CNTN6: variants seen among roughly 807,000 people sequenced by gnomAD.
The protein encoded by CNTN6 is contactin-6.
A neutral mutation model predicts 122.8 loss-of-function variants in CNTN6; 137 were observed. That is an observed-to-expected ratio of 1.12 (90% CI 0.97 to 1.29). The LOEUF is 1.29. Ranked by LOEUF, CNTN6 falls within the 50% of genes most tolerant of loss-of-function variation. CNTN6 has a pLI of 0.00. For missense variants in CNTN6, 1,634 were observed against 1,223.4 expected, an observed-to-expected ratio of 1.34 and a Z score of -5.01; for synonymous variants, 570 against 426.0, an observed-to-expected ratio of 1.34 and a Z score of -4.16.
chr3:1,154,744 A>G (rs2092925831), intron 2 of CNTN6, among the ~76,000 whole-genome samples: 1 of 152,118 alleles, frequency 6.6e-6, no homozygotes, highest in Non-Finnish European at 1.5e-5. Context: ...CGCCCGGCCC[A>G]GGATTGATAA....
rs772254266 is a variant in CNTN6 at position 1,295,738 on chromosome 3, A to G, written c.592A>G (p.Ile198Val). 1.1e-5 allele frequency: 17 copies of G among 1,614,082 alleles called. No individual in the cohort carries two copies. The highest frequency in any genetic ancestry group is 1.4e-5 in the Non-Finnish European group (16 of 1,179,934). The change falls in exon 6 of 23, where the codon ATA (isoleucine) becomes GTA (valine). Residue 198 changes from isoleucine to valine, a missense_variant. By Grantham distance (29) the Ile-to-Val change is conservative. Transcript: ENST00000446702. ...PSDVGNYTCFITNKEAQRSVQ... is the reference protein window; with the variant it reads ...PSDVGNYTCFVTNKEAQRSVQ... Reference sequence around the variant, plus strand: ...AGATGTGGGCAACTACACTTGCTTTATAACTAACAAAGAGGCCCAGAGAAG... The same window carrying G: ...AGATGTGGGCAACTACACTTGCTTTGTAACTAACAAAGAGGCCCAGAGAAG...
intron 11 of CNTN6, among the ~76,000 whole-genome samples, chr3:1,341,297 A>G (rs1030002147): frequency 1.3e-5 from 2 of 152,112 alleles, no homozygotes; most frequent in South Asian, 4.1e-4. Flanking sequence ...GCTATAAGGC[A>G]TGTTAGCATA....
intron 1 of CNTN6, among the ~76,000 whole-genome samples, chr3:1,130,179 C>T (rs1425170160): frequency 6.6e-6 from 1 of 151,986 alleles, no homozygotes; most frequent in East Asian, 1.9e-4. Flanking sequence ...TTACACAGGA[C>T]ATTGACTTTA....
At chr3:1,349,667 G>A (rs1028001270) in intron 11 of CNTN6, among the ~76,000 whole-genome samples, 4 of 151,580 alleles carry the variant, frequency 2.6e-5, no homozygotes, top group African/African-American at 9.7e-5. Flanking sequence ...CCTTCTTTTG[G>A]CTTTTTTAAA....
intron 4 of CNTN6, among the ~76,000 whole-genome samples, chr3:1,241,752 C>G (rs1203269075): frequency 1.3e-5 from 2 of 152,306 alleles, no homozygotes; most frequent in African/African-American, 2.4e-5. Context: ...GCAGAGTCCT[C>G]CTTTTTCAGC....
At chr3:1,191,132 A>G (rs1414278315) in intron 2 of CNTN6, among the ~76,000 whole-genome samples, 1 of 152,132 alleles carries the variant, frequency 6.6e-6, no homozygotes, top group Non-Finnish European at 1.5e-5. Flanking sequence ...GATGAGTGCT[A>G]TGAGCATCTT....
chr3:1,207,142 T>A (rs2093968621), intron 2 of CNTN6, among the ~76,000 whole-genome samples: 1 of 152,130 alleles, frequency 6.6e-6, no homozygotes, highest in African/African-American at 2.4e-5. Context: ...AAACTCAACA[T>A]TTATAAAACC....
rs1227069487 is a variant in CNTN6, at chr3:1,385,555, A to C, written c.2518-56A>C. On this transcript the variant is annotated intron_variant, in intron 19 of 22. Transcript: ENST00000446702. ...TGTGGTTGATAGTTGTTGGTAAAAA[A>C]TGATTGATAGTTATTGGGGAACAAT... The C allele has an allele frequency of 3.6e-6, 5 of 1,396,948 alleles. No homozygotes were observed. In the East Asian group the frequency reaches 1.2e-4, roughly 34 times the overall value. The allele number at this position is 1,396,948 out of a possible 1,614,324, so 86.5% of individuals were successfully genotyped here. A position where few individuals can be genotyped will look rare whatever the true frequency, so the allele number is the denominator to read the frequency against.
intron 19 of CNTN6, among the ~76,000 whole-genome samples, chr3:1,384,572 A>T (rs909295582): frequency 6.6e-6 from 1 of 151,684 alleles, no homozygotes; most frequent in Non-Finnish European, 1.5e-5. Flanking sequence ...ATCTTTTTCA[A>T]CTTGCAAATT....
In CNTN6 at chr3:1,139,307, G is replaced by A. The variant is rs75565089; in HGVS notation, c.-82-8620G>A. ...GCATTCTGTTATTGAATTCATTGCT[G>A]AGAATTGAAACTAGCATAAATTCCT... On this transcript the variant is annotated intron_variant, in intron 1 of 22. Transcript: ENST00000446702. 8.4e-3 allele frequency among the ~76,000 whole-genome samples: 1,285 copies of A among 152,146 alleles called. 16 individuals carry two copies. The highest frequency in any genetic ancestry group is 0.029 in the African/African-American group (1,196 of 41,520).
chr3:1,126,941 G>A (rs1374413212), intron 1 of CNTN6, among the ~76,000 whole-genome samples: 2 of 151,626 alleles, frequency 1.3e-5, no homozygotes, highest in East Asian at 3.9e-4. Context: ...GTCATCACCA[G>A]GTCAATGGAA....
chr3:1,100,038 C>T (rs1057455126), intron 1 of CNTN6, among the ~76,000 whole-genome samples: 1 of 152,046 alleles, frequency 6.6e-6, no homozygotes, highest in African/African-American at 2.4e-5. Context: ...CTCATATTTG[C>T]ACTATTTATT....
chr3:1,209,244 AC>A, intron 2 of CNTN6, among the ~76,000 whole-genome samples: 1 of 152,324 alleles, frequency 6.6e-6, no homozygotes, highest in African/African-American at 2.4e-5. Context: ...TCAACTTTAT[AC>A]CATGTGTATA....
At chr3:1,380,411 A>T (rs1710490365) in intron 17 of CNTN6, among the ~76,000 whole-genome samples, 1 of 152,192 alleles carries the variant, frequency 6.6e-6, no homozygotes, top group South Asian at 2.1e-4. Context: ...TTTTTAGAAT[A>T]TAGCAATGGG....
intron 4 of CNTN6, among the ~76,000 whole-genome samples, chr3:1,243,541 G>T (rs2094517756): frequency 6.6e-6 from 1 of 151,916 alleles, no homozygotes; most frequent in African/African-American, 2.4e-5. Context: ...ACGGCCTTTT[G>T]ACCTTTTAGG....
chr3:1,245,245 C>CAT (rs1553639059), intron 4 of CNTN6, among the ~76,000 whole-genome samples: 623 of 14,106 alleles, frequency 0.044, 148 homozygotes, highest in African/African-American at 0.12. Context: ...TACACACACA[C>CAT]ATATATATAT....
intron 1 of CNTN6, among the ~76,000 whole-genome samples, chr3:1,113,746 G>C (rs2091589784): frequency 6.6e-6 from 1 of 152,128 alleles, no homozygotes; most frequent in South Asian, 2.1e-4. Context: ...TAGAATTCTA[G>C]TTTTAACTGA....
At chr3:1,099,301 A>C (rs1364747193) in intron 1 of CNTN6, among the ~76,000 whole-genome samples, 1 of 151,330 alleles carries the variant, frequency 6.6e-6, no homozygotes, top group East Asian at 1.9e-4. Context: ...AATACAAAAA[A>C]TTAGCAGGGT....
intron 1 of CNTN6, among the ~76,000 whole-genome samples, chr3:1,107,580 A>C (rs928522757): frequency 5.9e-5 from 9 of 152,080 alleles, no homozygotes; most frequent in Admixed American, 1.3e-4. Context: ...ATCAAAGTAA[A>C]ATGGCTCTGA....
Sources: allele counts gnomAD v4.1 joint callset (sites outside exome capture counted in the v4.1 genomes callset), GRCh38; gene constraint gnomAD v4.1.1; transcripts MANE v1.5; gene names NCBI Gene and HGNC (gene_info 2026-07-23, HGNC 2026-07-21).